CUL4B: variants seen among roughly 807,000 people sequenced by gnomAD.
CUL4B encodes the protein cullin-4B.
In CUL4B, 1 loss-of-function variant was observed where a neutral mutation model predicts 69.2. The ratio of observed to expected loss-of-function variants is 0.01; its 90% CI spans 0.01 to 0.07. The LOEUF is 0.07. Among genes scored for constraint, CUL4B ranks in the 10% least tolerant of loss-of-function variants. CUL4B has a pLI of 1.00. For missense variants in CUL4B, 328 were observed against 638.8 expected (o/e 0.51, Z 5.24); for synonymous variants, 237 against 223.2 (o/e 1.06, Z -0.55).
upstream of CUL4B, among the ~76,000 whole-genome samples, chrX:120,566,224 A>G (rs1925508267): frequency 9.5e-6 from 1 of 105,547 alleles, no homozygotes; most frequent in African/African-American, 3.4e-5. Flanking sequence ...ATGTGAATTC[A>G]TCAGTTTCCC....
chrX:120,565,860 G>C (rs1925491957), upstream of CUL4B, among the ~76,000 whole-genome samples: 1 of 103,450 alleles, frequency 9.7e-6, no homozygotes, highest in African/African-American at 3.5e-5. Context: ...CAAGTAGCTG[G>C]GACTACAGGC....
At chrX:120,541,901 G>C (rs910646693) in intron 9 of CUL4B, among the ~76,000 whole-genome samples, 181 bp from the exon 10 acceptor site, 1 of 110,516 alleles carries the variant, frequency 9.0e-6, no homozygotes, top group African/African-American at 3.3e-5. Flanking sequence ...ATCTTTCTGG[G>C]TAAAAACTAA....
At chrX:120,540,061 T>G (rs1923900256) in intron 11 of CUL4B, among the ~76,000 whole-genome samples, 1 of 112,290 alleles carries the variant, frequency 8.9e-6, no homozygotes, top group Admixed American at 9.5e-5. Context: ...TGCCCTTTTT[T>G]GTAGCTTGAA....
At chrX:120,533,032 T>G (rs1349712878) in intron 17 of CUL4B, among the ~76,000 whole-genome samples, 1 of 112,684 alleles carries the variant, frequency 8.9e-6, no homozygotes, top group Non-Finnish European at 1.9e-5. Context: ...CAACTGTAGT[T>G]ACGTCCAAAA....
chrX:120,536,804 C>A, intron 15 of CUL4B, 123 bp downstream of exon 15: 1 of 515,508 alleles, frequency 1.9e-6, no homozygotes, highest in Non-Finnish European at 3.4e-6. Context: ...CAAGACCAGC[C>A]TGAGCAATAC....
At chrX:120,573,249 A>C (rs1925767421) in intron 2 of CUL4B, among the ~76,000 whole-genome samples, 1 of 111,245 alleles carries the variant, frequency 9.0e-6, no homozygotes, top group Admixed American at 9.6e-5. Flanking sequence ...TTTTCGCTTA[A>C]TATATATTAG....
chrX:120,566,342 T>C (rs1192752730), upstream of CUL4B, among the ~76,000 whole-genome samples: 3 of 62,083 alleles, frequency 4.8e-5, no homozygotes, highest in Non-Finnish European at 6.0e-5. Flanking sequence ...TGTGTGTGTA[T>C]AGGTATATAT....
upstream of CUL4B, chrX:120,561,257 C>G: frequency 1.9e-6 from 1 of 517,892 alleles, no homozygotes; most frequent in East Asian, 3.7e-5. Context: ...CGCTCCTGCT[C>G]CCGCTCCCCT....
rs770295824 is a variant in CUL4B, at chrX:120,547,200, A to G, written c.712T>C (p.Leu238=). ...CAGATCTGTCTCAGCTGTTTGTACA[A>G]GTTTGCAGAAATCTTGTAAGAACAG... ...NLCSYKISAN[L]YKQLRQICED... The change falls in exon 3 of 20, where the codon TTG becomes CTG. Residue 238 remains leucine, a synonymous_variant. Coordinates refer to ENST00000371322, the MANE Select transcript of CUL4B (RefSeq NM_001079872.2). The G allele has an allele frequency of 1.7e-6, 2 of 1,203,721 alleles. No homozygotes were observed. Among genetic ancestry groups the G allele is most frequent in the Non-Finnish European group, 2.2e-6 (2 of 889,811 alleles).
At chrX:120,555,590 C>T (rs1924913920) in intron 2 of CUL4B, among the ~76,000 whole-genome samples, 1 of 110,636 alleles carries the variant, frequency 9.0e-6, no homozygotes, top group Non-Finnish European at 1.9e-5. Flanking sequence ...CCTGCTCTGC[C>T]AATATGTGAC....
intron 18 of CUL4B, 114 bp from the exon 19 acceptor site, chrX:120,530,368 T>C: frequency 1.5e-6 from 1 of 685,199 alleles, no homozygotes. Flanking sequence ...TACTGAATTA[T>C]CTAAATGGGG....
At chrX:120,573,054 T>C (rs1291451463) in intron 2 of CUL4B, among the ~76,000 whole-genome samples, 1 of 111,466 alleles carries the variant, frequency 9.0e-6, no homozygotes, top group East Asian at 2.8e-4. Flanking sequence ...AAAGTGTAAG[T>C]GTTGGTGGTC....
At chrX:120,563,387 A>C (rs1407375214), upstream of CUL4B, among the ~76,000 whole-genome samples, 1 of 111,382 alleles carries the variant, frequency 9.0e-6, no homozygotes, top group Admixed American at 9.5e-5. Context: ...GGCATGTATC[A>C]CTACGCCTGC....
At chrX:120,558,084 AC>A in intron 1 of CUL4B, 45 bp from the exon 2 acceptor site, 1 of 771,598 alleles carries the variant, frequency 1.3e-6, no homozygotes, top group Non-Finnish European at 2.0e-6. Context: ...CATGTCAGAT[AC>A]AGTAACCAAA....
At chrX:120,554,992 C>A (rs1454585641) in intron 2 of CUL4B, among the ~76,000 whole-genome samples, 1 of 111,536 alleles carries the variant, frequency 9.0e-6, no homozygotes, top group Non-Finnish European at 1.9e-5. Context: ...AAATTAAGGT[C>A]AAAAACAGTA....
At chrX:120,566,344 GGTAT>G (rs1259335004), upstream of CUL4B, among the ~76,000 whole-genome samples, 3 of 17,913 alleles carry the variant, frequency 1.7e-4, no homozygotes, top group Non-Finnish European at 3.2e-4. Flanking sequence ...TGTGTGTATA[GGTAT>G]ATATATATAT....
At chrX:120,559,737 C>A in intron 1 of CUL4B, 1 of 1,001,465 alleles carries the variant, frequency 1.0e-6, no homozygotes, top group African/African-American at 1.9e-5. Flanking sequence ...GCTCGCTATG[C>A]ACCTGAAATA....
downstream of CUL4B, among the ~76,000 whole-genome samples, chrX:120,569,260 T>G (rs1175628128): frequency 8.9e-6 from 1 of 111,841 alleles, no homozygotes; most frequent in East Asian, 2.8e-4. Flanking sequence ...TCCCTTAGTA[T>G]ACAAAGACAA....
chrX:120,539,960 T>C (rs1364549992), intron 11 of CUL4B, among the ~76,000 whole-genome samples: 1 of 111,594 alleles, frequency 9.0e-6, no homozygotes, highest in Non-Finnish European at 1.9e-5. Flanking sequence ...CTGTAGTGTA[T>C]ATCACATCCT....
Sources: allele counts gnomAD v4.1 joint callset (sites outside exome capture counted in the v4.1 genomes callset), GRCh38; gene constraint gnomAD v4.1.1; transcripts MANE v1.5; gene names NCBI Gene and HGNC (gene_info 2026-07-23, HGNC 2026-07-21).